TBC1D7: variants seen among roughly 807,000 people sequenced by gnomAD.
TBC1D7 encodes the protein TBC domain family 7.
TBC1D7 carries 33 observed loss-of-function variants against 35.3 expected under a neutral mutation model. The ratio of observed to expected loss-of-function variants is 0.93; its 90% CI spans 0.71 to 1.25. The LOEUF (loss-of-function observed/expected upper bound fraction) is 1.25, where lower values mean the gene tolerates loss of function less well. Among genes scored for constraint, TBC1D7 ranks in the 50% most tolerant of loss-of-function variants. The pLI is 0.00. For synonymous variants in TBC1D7, 135 were observed against 129.5 expected, an observed-to-expected ratio of 1.04 and a Z score of -0.29; for missense variants, 362 against 365.3, an observed-to-expected ratio of 0.99 and a Z score of 0.07.
chr6:13,321,369 A>G (rs554089995), intron 3 of TBC1D7, among the ~76,000 whole-genome samples: 1 of 152,386 alleles, frequency 6.6e-6, no homozygotes, highest in Non-Finnish European at 1.5e-5. Context: ...TATGCCGCAT[A>G]CATTCAAGAT....
intron 7 of TBC1D7, chr6:13,305,645 T>C (rs1313776015): frequency 1.2e-5 from 2 of 166,742 alleles, no homozygotes; most frequent in Admixed American, 1.1e-4. Flanking sequence ...CAAATGTTAA[T>C]ACTATTTTAA....
rs949395532 is a variant in TBC1D7, at chr6:13,327,935, G to C, written c.-9+361C>G. ...GGAGGGCTTCCTTCCTTATTGAAAA[G>C]ATATCCTCTGAACCGATTCAGTCAC... is the stretch of plus-strand genomic sequence containing the variant. On this transcript the variant is annotated intron_variant, in intron 1 of 7. Transcript: ENST00000379300. 4 of 152,178 alleles carry C rather than the reference G, an allele frequency of 2.6e-5. No individual in the cohort carries two copies. In the South Asian group the frequency reaches 8.3e-4, roughly 32 times the overall value. The allele number at this position is 152,178 out of a possible 1,614,324, so 9.4% of individuals were successfully genotyped here. A position where few individuals can be genotyped will look rare whatever the true frequency, so the allele number is the denominator to read the frequency against.
Position 13,324,170 on chromosome 6 carries a change from C to T in TBC1D7, c.193+924G>A, listed in dbSNP as rs139304646. Among the ~76,000 whole-genome samples, 1,196 of 152,044 alleles carry T rather than the reference C, an allele frequency of 7.9e-3. 8 individuals are homozygous for T. Among genetic ancestry groups the T allele is most frequent in the Middle Eastern group, 0.021 (6 of 292 alleles). ...GGAGACGGAGTCTCGCTCTGTCGCC[C>T]AGGCTGGAGTGCAGTGGTGCCATCT... is the stretch of plus-strand genomic sequence containing the variant. On this transcript the variant is annotated intron_variant, in intron 3 of 7. Transcript: ENST00000379300.
intron 5 of TBC1D7, among the ~76,000 whole-genome samples, chr6:13,312,898 G>T (rs754909088): frequency 1.3e-5 from 2 of 151,824 alleles, no homozygotes; most frequent in Non-Finnish European, 2.9e-5. Context: ...AATATCCAGG[G>T]TACAGTCGAC....
chr6:13,316,443 C>T (rs955638331), intron 5 of TBC1D7, 128 bp downstream of exon 5: 26 of 1,004,964 alleles, frequency 2.6e-5, no homozygotes, highest in South Asian at 1.6e-4. Context: ...TTACAGAAAA[C>T]GCTTGCTGAG....
chr6:13,318,252 G>C (rs958869576), intron 4 of TBC1D7: 4 of 152,192 alleles, frequency 2.6e-5, no homozygotes, highest in African/African-American at 9.7e-5. Context: ...CAGGTATTCT[G>C]TTATAAGCAA....
Position 13,321,101 on chromosome 6 carries a change from G to C in TBC1D7, c.194-6C>G. 1 of 1,606,170 alleles carries C rather than the reference G, an allele frequency of 6.2e-7. No individual in the cohort carries two copies. Among genetic ancestry groups the C allele is most frequent in the Non-Finnish European group, 8.5e-7 (1 of 1,175,142 alleles). ...GTGGTGTGGAGGCAAGATTCCTAGA[G>C]AGAACAGGAAAAACGAAAAAAGGAC... On this transcript the variant is annotated splice_polypyrimidine_tract_variant and splice_region_variant and intron_variant, in intron 3 of 7. Transcript: ENST00000379300.
At chr6:13,315,667 A>C (rs1334283528) in intron 5 of TBC1D7, among the ~76,000 whole-genome samples, 1 of 152,244 alleles carries the variant, frequency 6.6e-6, no homozygotes, top group Non-Finnish European at 1.5e-5. Context: ...CAGTGAGCCG[A>C]GACCATGCCA....
At chr6:13,306,798 T>C (rs929177231) in intron 6 of TBC1D7, 5 of 223,620 alleles carry the variant, frequency 2.2e-5, no homozygotes, top group Admixed American at 2.2e-4. Flanking sequence ...TCCCTCATGT[T>C]GTGAACCTGA....
intron 3 of TBC1D7, 116 bp from the exon 4 acceptor site, chr6:13,321,211 C>G (rs191657592): frequency 2.5e-6 from 2 of 787,466 alleles, no homozygotes; most frequent in Admixed American, 2.5e-5. Flanking sequence ...CTAGAATTCA[C>G]GCAGACATTC....
chr6:13,307,807 T>C (rs1327066044), intron 5 of TBC1D7, 62 bp from the exon 6 acceptor site: 4 of 1,516,774 alleles, frequency 2.6e-6, no homozygotes, highest in South Asian at 1.2e-5. Flanking sequence ...TCTGATATTA[T>C]AGTCTCTGAT....
chr6:13,310,753 T>C (rs754432778), intron 5 of TBC1D7, among the ~76,000 whole-genome samples: 14 of 151,834 alleles, frequency 9.2e-5, no homozygotes, highest in Non-Finnish European at 1.5e-4. Flanking sequence ...CTCCAGTACA[T>C]AGCAAGTAAA....
chr6:13,326,690 A>G, intron 2 of TBC1D7, 97 bp downstream of exon 2: 1 of 677,906 alleles, frequency 1.5e-6, no homozygotes, highest in East Asian at 3.0e-5. Context: ...AAATACAGCA[A>G]GTAACCAATG....
chr6:13,321,175 C>T (rs982945862), intron 3 of TBC1D7, 80 bp from the exon 4 acceptor site: 4 of 1,229,440 alleles, frequency 3.3e-6, no homozygotes, highest in Non-Finnish European at 4.6e-6. Flanking sequence ...AAGAGGATGC[C>T]GTGAGAAGCG....
chr6:13,328,135 A>G (rs1032505688), intron 1 of TBC1D7, 161 bp downstream of exon 1: 4 of 152,212 alleles, frequency 2.6e-5, no homozygotes, highest in Admixed American at 6.5e-5. Flanking sequence ...CTGTTGTCTA[A>G]GGACACCCAT....
At chr6:13,309,702 A>G (rs1243383010) in intron 5 of TBC1D7, among the ~76,000 whole-genome samples, 1 of 152,240 alleles carries the variant, frequency 6.6e-6, no homozygotes, top group Non-Finnish European at 1.5e-5. Context: ...TCTATCCTGC[A>G]TACATACAGA....
intron 3 of TBC1D7, among the ~76,000 whole-genome samples, chr6:13,324,108 G>GT (rs968364616): frequency 2.6e-5 from 4 of 151,352 alleles, no homozygotes; most frequent in African/African-American, 9.7e-5. Flanking sequence ...TGAACAAACT[G>GT]TAAGTTTTTT....
intron 7 of TBC1D7, chr6:13,306,112 T>C (rs1235961618): frequency 4.3e-6 from 1 of 231,164 alleles, no homozygotes; most frequent in Non-Finnish European, 8.4e-6. Flanking sequence ...TTTCTTATAA[T>C]GTAAAAATAC....
intron 5 of TBC1D7, among the ~76,000 whole-genome samples, chr6:13,314,661 T>A (rs369169580): frequency 6.6e-6 from 1 of 152,302 alleles, no homozygotes; most frequent in East Asian, 1.9e-4. Flanking sequence ...AGTTGAAATA[T>A]ATAAAAACTG....
Sources: allele counts gnomAD v4.1 joint callset (sites outside exome capture counted in the v4.1 genomes callset), GRCh38; gene constraint gnomAD v4.1.1; transcripts MANE v1.5; gene names NCBI Gene and HGNC (gene_info 2026-07-23, HGNC 2026-07-21).